FOXP2: variants seen among roughly 807,000 people sequenced by gnomAD.
FOXP2 encodes forkhead box P2.
A neutral mutation model predicts 115.8 loss-of-function variants in FOXP2; 12 were observed. The ratio of observed to expected loss-of-function variants is 0.10; its 90% CI spans 0.07 to 0.17. FOXP2 has a LOEUF of 0.17. Among genes scored for constraint, FOXP2 ranks in the 10% least tolerant of loss-of-function variants. FOXP2 has a pLI of 1.00. For missense variants in FOXP2, 629 were observed against 843.5 expected (o/e 0.75, Z 3.15); for synonymous variants, 328 against 297.7 (o/e 1.10, Z -1.05).
At chr7:114,400,022 A>G (rs577945834) in intron 2 of FOXP2, among the ~76,000 whole-genome samples, 5 of 151,682 alleles carry the variant, frequency 3.3e-5, no homozygotes, top group African/African-American at 1.2e-4. Context: ...GCACCTGGCT[A>G]ATCTCTGTAT....
intron 3 of FOXP2, among the ~76,000 whole-genome samples, chr7:114,626,665 T>G: frequency 6.6e-6 from 1 of 151,800 alleles, no homozygotes; most frequent in East Asian, 1.9e-4. Context: ...TCTGTCCATT[T>G]CAGTTTGATT....
intron 2 of FOXP2, among the ~76,000 whole-genome samples, chr7:114,481,268 G>A (rs1224252309): frequency 6.6e-6 from 1 of 150,834 alleles, no homozygotes; most frequent in East Asian, 1.9e-4. Context: ...TAAATTATCT[G>A]TATACATTTT....
chr7:114,263,429 C>T (rs879571036), intron 1 of FOXP2, among the ~76,000 whole-genome samples: 2 of 140,718 alleles, frequency 1.4e-5, no homozygotes, highest in Non-Finnish European at 3.1e-5. Flanking sequence ...TTTCCCTTTC[C>T]TTTCCTTTCC....
In FOXP2 at chr7:114,168,334, T is replaced by A. The variant is rs183141413; in HGVS notation, c.-102+5246T>A. Reference sequence around the variant, plus strand: ...TGAATGGCTTTGCCCAAAATTCTGATAGCAATATGGACGATAAAGTCTAGG... The same window carrying A: ...TGAATGGCTTTGCCCAAAATTCTGAAAGCAATATGGACGATAAAGTCTAGG... On this transcript the variant is annotated intron_variant, in intron 1 of 17. Coordinates refer to the FOXP2 transcript ENST00000634411. Among the ~76,000 whole-genome samples the A allele has an allele frequency of 2.0e-5, 3 of 152,308 alleles. No individual in the cohort carries two copies. The East Asian group carries it at 5.8e-4, about 29-fold the overall frequency.
intron 2 of FOXP2, among the ~76,000 whole-genome samples, chr7:114,484,746 A>C (rs1006458257): frequency 6.6e-6 from 1 of 151,954 alleles, no homozygotes; most frequent in Non-Finnish European, 1.5e-5. Flanking sequence ...CATAGATAAG[A>C]ATATTTTGTG....
chr7:114,284,879 A>C (rs75901808), intron 1 of FOXP2, among the ~76,000 whole-genome samples: 2 of 152,156 alleles, frequency 1.3e-5, no homozygotes, highest in Non-Finnish European at 2.9e-5. Flanking sequence ...ACTTTGCAGG[A>C]ACAGGGATGG....
intron 1 of FOXP2, among the ~76,000 whole-genome samples, chr7:114,205,206 C>T (rs964649761): frequency 6.6e-6 from 1 of 151,968 alleles, no homozygotes; most frequent in Non-Finnish European, 1.5e-5. Flanking sequence ...AATATATGAC[C>T]GTGAATTTCT....
At chr7:114,638,548 G>T (rs1271470683) in intron 6 of FOXP2, among the ~76,000 whole-genome samples, 1 of 152,152 alleles carries the variant, frequency 6.6e-6, no homozygotes, top group Non-Finnish European at 1.5e-5. Context: ...CATTTCATAA[G>T]TAGTTTTGTA....
intron 1 of FOXP2, among the ~76,000 whole-genome samples, chr7:114,285,949 T>C (rs908230419): frequency 1.3e-5 from 2 of 152,056 alleles, no homozygotes; most frequent in Non-Finnish European, 2.9e-5. Context: ...GCAAAATCAA[T>C]TAATTTTATG....
chr7:114,128,770 A>AT (rs1371615327), intron 1 of FOXP2, among the ~76,000 whole-genome samples: 1 of 152,166 alleles, frequency 6.6e-6, no homozygotes, highest in Admixed American at 6.5e-5. Flanking sequence ...ACTTCATAAA[A>AT]TTAAGCATTT....
intron 3 of FOXP2, among the ~76,000 whole-genome samples, chr7:114,625,581 T>C (rs1264795943): frequency 6.6e-6 from 1 of 151,766 alleles, no homozygotes; most frequent in African/African-American, 2.4e-5. Context: ...AATGAATACC[T>C]AGAGTAGCTT....
intron 2 of FOXP2, among the ~76,000 whole-genome samples, chr7:114,471,829 G>A (rs1159247336): frequency 2.0e-5 from 3 of 151,576 alleles, no homozygotes; most frequent in Non-Finnish European, 2.9e-5. Context: ...GCATGGTGGC[G>A]GGCACCTGTA....
At position 114,117,844 on chromosome 7, in the gene FOXP2, C is replaced by G. The variant is rs931055950; in HGVS notation, c.-247+30006C>G. On this transcript the variant is annotated intron_variant, in intron 1 of 19. Transcript: ENST00000635638. The stretch of plus-strand genomic sequence containing the variant: ...AGCATGATTGAGTTCAGGTGAGGCC[C>G]CTCTTCTGGTTTGCAGACTGAAGGC... Among the ~76,000 whole-genome samples the G allele has an allele frequency of 1.6e-4, 24 of 152,188 alleles. 1 individual carries two copies. The highest frequency in any genetic ancestry group is 5.8e-4 in the African/African-American group (24 of 41,534).
intron 3 of FOXP2, among the ~76,000 whole-genome samples, chr7:114,610,804 T>C (rs190687845): frequency 6.6e-6 from 1 of 152,140 alleles, no homozygotes; most frequent in East Asian, 1.9e-4. Flanking sequence ...CTGACTATTT[T>C]TTTTTTTTTG....
intron 3 of FOXP2, among the ~76,000 whole-genome samples, chr7:114,538,096 T>C (rs1356209732): frequency 6.6e-6 from 1 of 151,730 alleles, no homozygotes; most frequent in Non-Finnish European, 1.5e-5. Flanking sequence ...TAATACTTAA[T>C]CCTTTCAATT....
chr7:114,546,397 T>C (rs796416331), intron 3 of FOXP2, among the ~76,000 whole-genome samples: 16 of 152,396 alleles, frequency 1.0e-4, no homozygotes, highest in African/African-American at 3.6e-4. Context: ...ATACACCTGA[T>C]ACATTACAAC....
intron 3 of FOXP2, among the ~76,000 whole-genome samples, chr7:114,542,545 T>A (rs903301382): frequency 1.3e-5 from 2 of 152,150 alleles, no homozygotes. Context: ...AGTGGCTTTT[T>A]AAAAAATTGT....
At chr7:114,267,986 A>G (rs1377476664) in intron 1 of FOXP2, among the ~76,000 whole-genome samples, 1 of 151,832 alleles carries the variant, frequency 6.6e-6, no homozygotes, top group African/African-American at 2.4e-5. Context: ...GTCCCTAAAA[A>G]CCACCATTCT....
intron 2 of FOXP2, among the ~76,000 whole-genome samples, chr7:114,380,681 A>G (rs1235280798): frequency 6.6e-6 from 1 of 152,238 alleles, no homozygotes; most frequent in Non-Finnish European, 1.5e-5. Context: ...ATTTAAGTAA[A>G]CAGTTGTCTG....
Sources: gnomAD v4.1 joint callset for allele counts (sites outside exome capture counted in the v4.1 genomes callset) on GRCh38, gnomAD v4.1.1 for gene constraint, MANE v1.5 for transcripts, NCBI Gene and HGNC (gene_info 2026-07-23, HGNC 2026-07-21) for gene names.